The following HCRTR2 variants were observed in gnomAD, a reference collection of about 807,000 sequenced individuals.
HCRTR2 encodes hypocretin receptor 2, also known as orexin receptor type 2.
Under a neutral mutation model 49.0 loss-of-function variants are expected in HCRTR2, and 22 were observed. The observed-to-expected ratio is 0.45, with a 90% CI of 0.32 to 0.64. The LOEUF is 0.64. Ranked by LOEUF, HCRTR2 falls within the 30% of genes least tolerant of loss-of-function variation. The pLI is 0.04. For missense variants in HCRTR2, 491 were observed against 559.4 expected, an observed-to-expected ratio of 0.88 and a Z score of 1.23; for synonymous variants, 236 against 205.3, an observed-to-expected ratio of 1.15 and a Z score of -1.28.
chr6:55,150,173 T>G (rs148353128), intron 1 of HCRTR2, among the ~76,000 whole-genome samples: 1 of 151,930 alleles, frequency 6.6e-6, no homozygotes. Context: ...ATTATTGACA[T>G]TAAAAGTTGA....
chr6:55,144,669 C>G (rs1262466533), intron 1 of HCRTR2, among the ~76,000 whole-genome samples: 2 of 152,146 alleles, frequency 1.3e-5, no homozygotes, highest in Non-Finnish European at 2.9e-5. Flanking sequence ...TAGGTTCACG[C>G]TCCTGTGATA....
intron 1 of HCRTR2, among the ~76,000 whole-genome samples, chr6:55,182,596 C>T (rs1447015511): frequency 6.6e-6 from 1 of 152,206 alleles, no homozygotes; most frequent in East Asian, 1.9e-4. Flanking sequence ...CCAACCCACC[C>T]CCAGCTTCAG....
At chr6:55,128,620 G>A (rs1166162866) in intron 1 of HCRTR2, among the ~76,000 whole-genome samples, 2 of 152,088 alleles carry the variant, frequency 1.3e-5, no homozygotes, top group Non-Finnish European at 2.9e-5. Flanking sequence ...TATAGTTCTT[G>A]TAGAGATCTT....
intron 1 of HCRTR2, among the ~76,000 whole-genome samples, chr6:55,166,844 T>C (rs767848567): frequency 6.6e-6 from 1 of 152,120 alleles, no homozygotes; most frequent in East Asian, 1.9e-4. Flanking sequence ...GGCATATCCA[T>C]ATAATTAAAT....
chr6:55,235,294 T>C (rs988700110), intron 1 of HCRTR2, among the ~76,000 whole-genome samples: 2 of 152,080 alleles, frequency 1.3e-5, no homozygotes, highest in African/African-American at 4.8e-5. Context: ...TGTCCAGTGA[T>C]ACATGATGGT....
At chr6:55,268,613 TAGAG>T (rs1434189622) in intron 4 of HCRTR2, among the ~76,000 whole-genome samples, 1 of 152,066 alleles carries the variant, frequency 6.6e-6, no homozygotes, top group Non-Finnish European at 1.5e-5. Flanking sequence ...TTACTATACA[TAGAG>T]AGGGACATTT....
At position 55,215,236 on chromosome 6, in the gene HCRTR2, T is replaced by C. The variant is rs60350541; in HGVS notation, c.224-33403T>C. Among the ~76,000 whole-genome samples the C allele has an allele frequency of 4.2e-3, 645 of 152,226 alleles. 4 individuals carry two copies. Among genetic ancestry groups the C allele is most frequent in the African/African-American group, 0.014 (602 of 41,518 alleles). On this transcript the variant is annotated intron_variant, in intron 1 of 6. Coordinates refer to ENST00000370862, the MANE Select transcript of HCRTR2 (RefSeq NM_001384272.1). ...GGGCTGTCATGAGAATATCAGCAGA[T>C]TTCTCAGCAGAAAACTTGCAAAACA...
chr6:55,145,297 A>G (rs1305268626), intron 1 of HCRTR2, among the ~76,000 whole-genome samples: 1 of 152,134 alleles, frequency 6.6e-6, no homozygotes, highest in African/African-American at 2.4e-5. Flanking sequence ...CACATTCTTG[A>G]CGTTGTTGCA....
At chr6:55,214,446 C>T (rs1409178226) in intron 1 of HCRTR2, among the ~76,000 whole-genome samples, 1 of 152,126 alleles carries the variant, frequency 6.6e-6, no homozygotes, top group Non-Finnish European at 1.5e-5. Context: ...ATCTTTCCAC[C>T]TCAGCCTCCT....
chr6:55,196,082 G>T (rs1399369769), intron 1 of HCRTR2, among the ~76,000 whole-genome samples: 1 of 151,966 alleles, frequency 6.6e-6, no homozygotes, highest in Admixed American at 6.6e-5. Context: ...TTTTCCTATA[G>T]CATAGAGATC....
intron 1 of HCRTR2, among the ~76,000 whole-genome samples, chr6:55,188,648 A>G (rs1211000765): frequency 1.3e-5 from 2 of 152,182 alleles, no homozygotes; most frequent in Admixed American, 1.3e-4. Context: ...AACACCCACA[A>G]TGTGTAATCT....
chr6:55,269,728 G>T (rs1766934894), intron 4 of HCRTR2, among the ~76,000 whole-genome samples: 1 of 152,122 alleles, frequency 6.6e-6, no homozygotes, highest in Non-Finnish European at 1.5e-5. Context: ...GGAGACTGAG[G>T]CGGGAGGATC....
intron 4 of HCRTR2, among the ~76,000 whole-genome samples, chr6:55,269,485 A>G (rs1051889705): frequency 6.6e-6 from 1 of 152,222 alleles, no homozygotes; most frequent in South Asian, 2.1e-4. Flanking sequence ...AAAAAAATAC[A>G]TTAGAACAAA....
At chr6:55,279,913 T>G (rs1228450291) in intron 5 of HCRTR2, among the ~76,000 whole-genome samples, 2 of 151,982 alleles carry the variant, frequency 1.3e-5, no homozygotes, top group African/African-American at 4.8e-5. Flanking sequence ...AATACATAAA[T>G]GAAAGTAGGA....
chr6:55,235,210 T>G (rs947263663), intron 1 of HCRTR2, among the ~76,000 whole-genome samples: 4 of 152,082 alleles, frequency 2.6e-5, no homozygotes, highest in African/African-American at 9.7e-5. Context: ...GGAAGAGAGC[T>G]TCTGGGGTGC....
chr6:55,172,180 AC>A (rs1368047597), upstream of HCRTR2, among the ~76,000 whole-genome samples: 1 of 152,188 alleles, frequency 6.6e-6, no homozygotes, highest in Non-Finnish European at 1.5e-5. Flanking sequence ...GTCTGTTTAA[AC>A]TTCAAATTAA....
At position 55,124,018 on chromosome 6, in the gene HCRTR2, C is replaced by T. The variant is rs545771848; in HGVS notation, c.-378+17473C>T. Among the ~76,000 whole-genome samples, 6 of 151,986 alleles carry T rather than the reference C, an allele frequency of 3.9e-5. No homozygotes were observed. The South Asian group carries it at 1.2e-3, about 32-fold the overall frequency. The stretch of plus-strand genomic sequence containing the variant: ...TGTCTATTTGATTCTTCTCTCTTTT[C>T]TTCTTTGTCTGTCTAGCAGTCTATT... On this transcript the variant is annotated intron_variant, in intron 1 of 7. Transcript: ENST00000615358.
At chr6:55,252,665 A>G (rs2127315161) in intron 2 of HCRTR2, among the ~76,000 whole-genome samples, 1 of 152,222 alleles carries the variant, frequency 6.6e-6, no homozygotes, top group South Asian at 2.1e-4. Context: ...AGAAATTTCT[A>G]GGAGTCACTA....
intron 4 of HCRTR2, among the ~76,000 whole-genome samples, chr6:55,266,949 C>A (rs1766871377): frequency 6.6e-6 from 1 of 152,020 alleles, no homozygotes; most frequent in Non-Finnish European, 1.5e-5. Flanking sequence ...ATGAATTATC[C>A]TCATTAGTAC....
Sources: allele counts gnomAD v4.1 joint callset (sites outside exome capture counted in the v4.1 genomes callset), GRCh38; gene constraint gnomAD v4.1.1; transcripts MANE v1.5; gene names NCBI Gene and HGNC (gene_info 2026-07-23, HGNC 2026-07-21).